The following UBQLN1 variants were observed in gnomAD, a reference collection of about 807,000 sequenced individuals.
UBQLN1 encodes the protein ubiquilin-1.
In UBQLN1, 13 loss-of-function variants were observed where a neutral mutation model predicts 65.4. That is an observed-to-expected ratio of 0.20 (90% CI 0.13 to 0.32). The LOEUF (loss-of-function observed/expected upper bound fraction) is 0.32. UBQLN1 is among the 10% of genes least tolerant of loss of function. The pLI is 1.00. For missense variants in UBQLN1, 561 were observed against 724.0 expected (o/e 0.77, Z 2.58); for synonymous variants, 267 against 247.8 (o/e 1.08, Z -0.73).
intron 4 of UBQLN1, 143 bp from the exon 5 acceptor site, chr9:83,678,742 A>G: frequency 1.1e-6 from 1 of 917,758 alleles, no homozygotes; most frequent in East Asian, 2.5e-5. Context: ...TTTGAGACGG[A>G]GTCTTGCTTT....
At chr9:83,684,622 G>C (rs1832007191) in intron 2 of UBQLN1, among the ~76,000 whole-genome samples, 1 of 152,044 alleles carries the variant, frequency 6.6e-6, no homozygotes, top group Non-Finnish European at 1.5e-5. Context: ...GACCAGCCTG[G>C]CCAACATGAG....
chr9:83,673,555 AAAAAAAAAAAAAC>A (rs1217695096), intron 6 of UBQLN1, among the ~76,000 whole-genome samples: 1 of 77,036 alleles, frequency 1.3e-5, no homozygotes, highest in African/African-American at 8.6e-5. Flanking sequence ...TTAAAAAAAA[AAAAAAAAAAAAAC>A]AAAAAAAAAA....
intron 1 of UBQLN1, among the ~76,000 whole-genome samples, chr9:83,693,410 T>C (rs1287018646): frequency 2.0e-5 from 3 of 152,232 alleles, no homozygotes; most frequent in African/African-American, 2.4e-5. Context: ...TTCTGCAATA[T>C]AGTGATAACT....
At chr9:83,688,403 A>C (rs900143617) in intron 1 of UBQLN1, among the ~76,000 whole-genome samples, 17 of 152,312 alleles carry the variant, frequency 1.1e-4, no homozygotes, top group African/African-American at 3.8e-4. Flanking sequence ...TCATATGCAA[A>C]ATGAGAGGGT....
At chr9:83,666,500 T>C in intron 7 of UBQLN1, 67 bp from the exon 8 acceptor site, 1 of 1,506,152 alleles carries the variant, frequency 6.6e-7, no homozygotes, top group Non-Finnish European at 9.2e-7. Flanking sequence ...CCTTGTTTTA[T>C]TCTATCTTCC....
At chr9:83,702,072 G>A (rs1832318825) in intron 1 of UBQLN1, among the ~76,000 whole-genome samples, 2 of 152,158 alleles carry the variant, frequency 1.3e-5, no homozygotes, top group African/African-American at 4.8e-5. Context: ...AAGACCACAT[G>A]ATTCCACTTA....
intron 1 of UBQLN1, among the ~76,000 whole-genome samples, chr9:83,697,838 CG>C (rs1340235679): frequency 1.4e-5 from 2 of 147,758 alleles, no homozygotes; most frequent in Admixed American, 1.4e-4. Context: ...CAGGTTCAAG[CG>C]ATTCTCCCGC....
intron 1 of UBQLN1, among the ~76,000 whole-genome samples, chr9:83,703,214 T>G (rs2131190988): frequency 6.6e-6 from 1 of 152,132 alleles, no homozygotes; most frequent in Non-Finnish European, 1.5e-5. Context: ...ACATTTATGC[T>G]TTTGTATCTA....
intron 9 of UBQLN1, 66 bp downstream of exon 9, chr9:83,664,963 CT>C: frequency 1.8e-6 from 1 of 557,576 alleles, no homozygotes; most frequent in Non-Finnish European, 3.0e-6. Flanking sequence ...CAGAATAATA[CT>C]AAATCTGAAA....
Position 83,678,822 on chromosome 9 carries a change from A to C in UBQLN1, c.712-223T>G, listed in dbSNP as rs975929323. Among the ~76,000 whole-genome samples, 2 of 152,048 alleles carry C rather than the reference A, an allele frequency of 1.3e-5. 1 individual carries two copies. The highest frequency in any genetic ancestry group is 2.9e-5 in the Non-Finnish European group (2 of 68,016). Reference sequence around the variant, plus strand: ...AGCTCCGCCTCCCGGGTTCACACCCATTCTCCTGCCTCAGCCTCCCGAGTA... The same window carrying C: ...AGCTCCGCCTCCCGGGTTCACACCCCTTCTCCTGCCTCAGCCTCCCGAGTA... On this transcript the variant is annotated intron_variant, in intron 4 of 10. Coordinates refer to ENST00000376395, the MANE Select transcript of UBQLN1 (RefSeq NM_013438.5).
intron 6 of UBQLN1, among the ~76,000 whole-genome samples, 153 bp from the exon 7 acceptor site, chr9:83,669,480 T>A (rs942071386): frequency 6.6e-6 from 1 of 152,206 alleles, no homozygotes; most frequent in Non-Finnish European, 1.5e-5. Flanking sequence ...ACTTTAAAAC[T>A]AAAACATCTC....
intron 2 of UBQLN1, among the ~76,000 whole-genome samples, chr9:83,683,877 C>T (rs1477966123): frequency 1.3e-5 from 2 of 151,964 alleles, no homozygotes; most frequent in Non-Finnish European, 2.9e-5. Flanking sequence ...AAAAATTAGC[C>T]GGGCATGGTG....
chr9:83,707,872 C>T lies in UBQLN1; in HGVS notation c.-193G>A, dbSNP rs542721113. On this transcript the variant is annotated 5_prime_UTR_variant, in exon 1 of 11. Coordinates refer to ENST00000376395, the MANE Select transcript of UBQLN1 (RefSeq NM_013438.5). ...AGCTCGGTGCAGGCTCTGGCGCAGG[C>T]CCGGGTCAGGCGCTCGGCAGCCGCC... is the stretch of plus-strand genomic sequence containing the variant. 3.0e-5 allele frequency: 24 copies of T among 792,218 alleles called. No individual in the cohort carries two copies. In the South Asian group the frequency reaches 5.3e-4, roughly 17 times the overall value. 49.1% of individuals were successfully genotyped at this position (792,218 alleles called of 1,614,324 possible). A position where few individuals can be genotyped will look rare whatever the true frequency, so the allele number is the denominator to read the frequency against.
chr9:83,680,055 A>G lies in UBQLN1; in HGVS notation c.449-18T>C. The G allele has an allele frequency of 1.0e-5, 16 of 1,580,670 alleles. No homozygotes were observed. The highest frequency in any genetic ancestry group is 1.3e-5 in the Non-Finnish European group (15 of 1,161,902). ...AAGGCCACCTAAGAGGATAAAGGGC[A>G]AAAACATACAAATCAAAGTCAGAAA... On this transcript the variant is annotated intron_variant, in intron 3 of 10. Coordinates refer to ENST00000376395, the MANE Select transcript of UBQLN1 (RefSeq NM_013438.5).
intron 8 of UBQLN1, among the ~76,000 whole-genome samples, chr9:83,665,690 G>C (rs1831633332): frequency 6.6e-6 from 1 of 152,046 alleles, no homozygotes; most frequent in Non-Finnish European, 1.5e-5. Context: ...ATAGATCAAG[G>C]ACACCAACCT....
At chr9:83,704,101 C>T (rs989531559) in intron 1 of UBQLN1, among the ~76,000 whole-genome samples, 6 of 152,130 alleles carry the variant, frequency 3.9e-5, no homozygotes, top group African/African-American at 4.8e-5. Context: ...TGGAGGTCTT[C>T]GGCTTACCCT....
intron 1 of UBQLN1, among the ~76,000 whole-genome samples, chr9:83,691,695 C>T (rs771130324): frequency 3.3e-5 from 5 of 152,166 alleles, no homozygotes; most frequent in African/African-American, 1.2e-4. Context: ...AAACCAAAGT[C>T]CTGACAGACA....
chr9:83,673,557 AAAAAAAAAAAC>A (rs1283416029), intron 6 of UBQLN1, among the ~76,000 whole-genome samples: 69 of 86,614 alleles, frequency 8.0e-4, no homozygotes, highest in African/African-American at 3.2e-3. Flanking sequence ...AAAAAAAAAA[AAAAAAAAAAAC>A]AAAAAAAAAA....
chr9:83,679,073 A>G (rs995909079), intron 4 of UBQLN1, among the ~76,000 whole-genome samples: 3 of 152,136 alleles, frequency 2.0e-5, no homozygotes, highest in Non-Finnish European at 4.4e-5. Flanking sequence ...GCAGACCACA[A>G]CAAACCAAAA....
Sources: gnomAD v4.1 joint callset for allele counts (sites outside exome capture counted in the v4.1 genomes callset) on GRCh38, gnomAD v4.1.1 for gene constraint, MANE v1.5 for transcripts, NCBI Gene and HGNC (gene_info 2026-07-23, HGNC 2026-07-21) for gene names.